The following CPT1A variants were observed in gnomAD, a reference collection of about 807,000 sequenced individuals.
The protein encoded by CPT1A is carnitine O-palmitoyltransferase 1, liver isoform.
Under a neutral mutation model 100.8 loss-of-function variants are expected in CPT1A, and 64 were observed. That is an observed-to-expected ratio of 0.63 (90% CI 0.52 to 0.78). The LOEUF is 0.78. Among genes scored for constraint, CPT1A ranks in the 30% least tolerant of loss-of-function variants. The pLI, the probability that CPT1A is intolerant of heterozygous loss-of-function variation, is 0.00. For missense variants in CPT1A, 802 were observed against 1,034.1 expected, an observed-to-expected ratio of 0.78 and a Z score of 3.08; for synonymous variants, 363 against 396.0, an observed-to-expected ratio of 0.92 and a Z score of 0.99.
At chr11:68,762,850 C>G (rs7112615) in intron 14 of CPT1A, 89 bp from the exon 15 acceptor site, 1 of 1,556,864 alleles carries the variant, frequency 6.4e-7, no homozygotes, top group Non-Finnish European at 8.8e-7. Context: ...GGCAAGGAGA[C>G]GTGGACTTCA....
chr11:68,837,251 T>C (rs1052609670), intron 1 of CPT1A, among the ~76,000 whole-genome samples: 8 of 152,138 alleles, frequency 5.3e-5, no homozygotes, highest in African/African-American at 1.4e-4. Context: ...GGTTTCACTG[T>C]GTTGGCCAGG....
chr11:68,824,141 G>A (rs528112073), intron 1 of CPT1A, among the ~76,000 whole-genome samples: 2 of 151,830 alleles, frequency 1.3e-5, no homozygotes, highest in Admixed American at 6.6e-5. Context: ...CCAGCTACTT[G>A]GGAGGCTGAA....
At chr11:68,773,185 C>T in intron 14 of CPT1A, 80 bp downstream of exon 14, 1 of 1,600,260 alleles carries the variant, frequency 6.2e-7, no homozygotes, top group Non-Finnish European at 8.5e-7. Flanking sequence ...GGCCTTCCCT[C>T]CCCACTGGGT....
intron 9 of CPT1A, among the ~76,000 whole-genome samples, chr11:68,788,974 G>A (rs1033333518): frequency 1.3e-5 from 2 of 152,120 alleles, no homozygotes; most frequent in African/African-American, 4.8e-5. Flanking sequence ...ACCAATGCAT[G>A]CAGGGGAGAA....
rs762569998 is a variant in CPT1A at position 68,773,365 on chromosome 11, T to C, written c.1640A>G (p.His547Arg). 2 of 1,614,178 alleles carry C rather than the reference T, an allele frequency of 1.2e-6. No individual in the cohort carries two copies. The highest frequency in any genetic ancestry group is 1.3e-5 in the African/African-American group (1 of 75,030). ...ACCAAAGGCTACGAATGGGAAGGAA[T>C]GGAAATCCACGTCGTTTGCCAGAAG... ...ANLLANDVDF[H>R]SFPFVAFGKG... The change falls in exon 14 of 19, where the codon CAT becomes CGT. Residue 547 changes from histidine (H) to arginine (R), a missense_variant. Transcript: ENST00000265641.
At chr11:68,763,142 C>T (rs1854679285) in intron 14 of CPT1A, among the ~76,000 whole-genome samples, 2 of 152,312 alleles carry the variant, frequency 1.3e-5, no homozygotes, top group African/African-American at 4.8e-5. Context: ...AGCCACTGTG[C>T]CCAGCCTATT....
rs918258362 is a variant in CPT1A, at chr11:68,841,886, C to T, written c.-125G>A. The T allele has an allele frequency of 3.0e-6, 3 of 986,006 alleles. No individual in the cohort carries two copies. The highest frequency in any genetic ancestry group is 3.6e-6 in the Non-Finnish European group (3 of 830,682). 61.1% of individuals were successfully genotyped at this position (986,006 alleles called of 1,614,324 possible). On this transcript the variant is annotated 5_prime_UTR_variant, in exon 1 of 19. Coordinates refer to ENST00000265641, the MANE Select transcript of CPT1A (RefSeq NM_001876.4). The surrounding 1 kb of genome is among the most constrained non-coding windows in gnomAD (Gnocchi z 6.3). ...GGGGAAGGAGGGCCGCGGGCGAGGC[C>T]GAGCGCACCCGACGCCGGCAGCAGC...
chr11:68,812,828 C>T (rs1184898129), intron 2 of CPT1A, among the ~76,000 whole-genome samples: 1 of 152,088 alleles, frequency 6.6e-6, no homozygotes, highest in African/African-American at 2.4e-5. Flanking sequence ...CCCCAAGAGT[C>T]GACGCCCCGG....
chr11:68,778,325 CA>C (rs1327809662), intron 12 of CPT1A, among the ~76,000 whole-genome samples: 3 of 152,058 alleles, frequency 2.0e-5, no homozygotes, highest in Non-Finnish European at 2.9e-5. Flanking sequence ...CAGGGGAAGC[CA>C]GGGGGAAAAG....
chr11:68,802,622 T>G (rs2154000448), intron 5 of CPT1A, among the ~76,000 whole-genome samples: 1 of 151,820 alleles, frequency 6.6e-6, no homozygotes, highest in Non-Finnish European at 1.5e-5. Context: ...TAGTCTTAGC[T>G]ACTCAGGAGG....
chr11:68,826,506 G>T (rs989940810), intron 1 of CPT1A, among the ~76,000 whole-genome samples: 2 of 151,784 alleles, frequency 1.3e-5, no homozygotes, highest in Non-Finnish European at 2.9e-5. Context: ...AGGCCGAGGG[G>T]GGCAGATCAT....
rs750883620 is a variant in CPT1A at position 68,796,836 on chromosome 11, G to A, written c.771+20C>T. On this transcript the variant is annotated intron_variant, in intron 7 of 18. Transcript: ENST00000265641. ...GCCCCACCGTCCTCGTCAGACAGCA[G>A]CCCGGGCGGGTGGACTCACCATGGC... The A allele has an allele frequency of 1.2e-5, 19 of 1,612,536 alleles. No individual in the cohort carries two copies. Among genetic ancestry groups the A allele is most frequent in the Non-Finnish European group, 1.5e-5 (18 of 1,179,174 alleles).
At chr11:68,832,775 C>G (rs1427372003) in intron 1 of CPT1A, among the ~76,000 whole-genome samples, 2 of 152,250 alleles carry the variant, frequency 1.3e-5, no homozygotes, top group Non-Finnish European at 2.9e-5. Context: ...TAACAGCTGC[C>G]CATCTCCTCC....
upstream of CPT1A, among the ~76,000 whole-genome samples, chr11:68,842,347 C>T (rs1384807259): frequency 6.6e-6 from 1 of 151,984 alleles, no homozygotes; most frequent in African/African-American, 2.4e-5. Context: ...AGTGGTGGGG[C>T]GCGCCTGTAA....
chr11:68,786,772 AC>A (rs1855474383), intron 9 of CPT1A, among the ~76,000 whole-genome samples: 1 of 151,976 alleles, frequency 6.6e-6, no homozygotes. Flanking sequence ...CAGGTGATCC[AC>A]CCGCCTCGGC....
chr11:68,816,346 T>C (rs924225766), intron 1 of CPT1A, among the ~76,000 whole-genome samples: 6 of 152,142 alleles, frequency 3.9e-5, no homozygotes, highest in African/African-American at 1.4e-4. Context: ...AGAATGGGTG[T>C]CCACAGACGG....
chr11:68,830,993 A>T (rs1397796557), intron 1 of CPT1A, among the ~76,000 whole-genome samples: 3 of 152,150 alleles, frequency 2.0e-5, no homozygotes, highest in Non-Finnish European at 2.9e-5. Context: ...CTACATCAAC[A>T]ATCGTGGGGG....
Position 68,773,215 on chromosome 11 carries a change from T to A in CPT1A, c.1740+50A>T, listed in dbSNP as rs1270328944. 3 of 1,610,336 alleles carry A rather than the reference T, an allele frequency of 1.9e-6. No individual in the cohort carries two copies. In the African/African-American group the frequency reaches 4.0e-5, roughly 22 times the overall value. Reference sequence around the variant, plus strand: ...CTGGGTGAACAGTCTTGGGCAGGTGTAGGAACCCCCAAAGTGCTCACGACA... The same window carrying A: ...CTGGGTGAACAGTCTTGGGCAGGTGAAGGAACCCCCAAAGTGCTCACGACA... On this transcript the variant is annotated intron_variant, in intron 14 of 18. Transcript: ENST00000265641.
At chr11:68,814,079 G>A (rs1856304842) in intron 2 of CPT1A, among the ~76,000 whole-genome samples, 1 of 152,136 alleles carries the variant, frequency 6.6e-6, no homozygotes, top group South Asian at 2.1e-4. Flanking sequence ...CGCTGGGGCT[G>A]GCAGGGGGGT....
Sources: gnomAD v4.1 joint callset for allele counts (sites outside exome capture counted in the v4.1 genomes callset) on GRCh38, gnomAD v4.1.1 for gene constraint, Gnocchi (gnomAD v3.1) non-coding constraint, MANE v1.5 for transcripts, NCBI Gene and HGNC (gene_info 2026-07-23, HGNC 2026-07-21) for gene names.